RASA2: variants seen among roughly 807,000 people sequenced by gnomAD.
RASA2 encodes ras GTPase-activating protein 2.
A neutral mutation model predicts 118.2 loss-of-function variants in RASA2; 155 were observed. That is an observed-to-expected ratio of 1.31 (90% CI 1.15 to 1.50). RASA2 has a LOEUF of 1.50. Ranked by LOEUF, RASA2 falls within the 40% of genes most tolerant of loss-of-function variation. The pLI is 0.00. For synonymous variants in RASA2, 353 were observed against 349.1 expected, an observed-to-expected ratio of 1.01 and a Z score of -0.12; for missense variants, 1,016 against 1,009.6, an observed-to-expected ratio of 1.01 and a Z score of -0.09.
intron 3 of RASA2, among the ~76,000 whole-genome samples, chr3:141,524,969 TG>T (rs2082165359): frequency 6.6e-6 from 1 of 152,184 alleles, no homozygotes; most frequent in African/African-American, 2.4e-5. Context: ...TTTTCCTAAT[TG>T]GTGAATTGTA....
Position 141,613,699 on chromosome 3 carries a change from A to T in RASA2, c.*1386A>T, listed in dbSNP as rs1361519032. On this transcript the variant is annotated 3_prime_UTR_variant, in exon 24 of 24. Transcript: ENST00000286364. ...GTCTGAGCATAAGCTATATTTCAAG[A>T]TATACTTTGCCAATTTTGTTATTGG... 1.3e-5 allele frequency: 2 copies of T among 152,196 alleles called. No individual in the cohort carries two copies. The highest frequency in any genetic ancestry group is 6.5e-5 in the Admixed American group (1 of 15,274). The allele number at this position is 152,196 out of a possible 1,614,324, so 9.4% of individuals were successfully genotyped here.
At chr3:141,515,601 A>C (rs1032280346) in intron 2 of RASA2, among the ~76,000 whole-genome samples, 1 of 152,088 alleles carries the variant, frequency 6.6e-6, no homozygotes, top group Admixed American at 6.6e-5. Flanking sequence ...CATTAACTTT[A>C]TTGAAAGTGA....
intron 1 of RASA2, among the ~76,000 whole-genome samples, chr3:141,496,034 T>C (rs1343658707): frequency 6.6e-6 from 1 of 152,214 alleles, no homozygotes; most frequent in African/African-American, 2.4e-5. Context: ...AAAAGAGGTC[T>C]GAACAGTTGT....
At chr3:141,556,049 GAAC>G (rs2082645138) in intron 7 of RASA2, 137 bp downstream of exon 7, 7 of 683,988 alleles carry the variant, frequency 1.0e-5, no homozygotes, top group Non-Finnish European at 1.7e-5. Context: ...GAAAGCAGTA[GAAC>G]CATGGTGTGA....
chr3:141,594,365 T>A (rs1048225511), intron 19 of RASA2, among the ~76,000 whole-genome samples: 11 of 115,522 alleles, frequency 9.5e-5, no homozygotes, highest in African/African-American at 2.8e-4. Flanking sequence ...AAAAAAAAAA[T>A]TTTTTTTTGA....
At chr3:141,528,887 T>G (rs1161234403) in intron 3 of RASA2, among the ~76,000 whole-genome samples, 5 of 151,954 alleles carry the variant, frequency 3.3e-5, no homozygotes, top group Non-Finnish European at 7.4e-5. Context: ...GTGAACTGCT[T>G]TTAACTTTAT....
Position 141,586,066 on chromosome 3 carries a change from TG to T in RASA2, c.1796del (p.Gly599ValfsTer8). ...ISSTETKESS[G>X]TSEPVHLKEG... ...CATCTACTGAAACTAAAGAGTCCAG[TG>T]GTACGAGTGAGCCTGTGCACCTGAA... On this transcript the variant is annotated frameshift_variant, in exon 18 of 24. Transcript: ENST00000286364. LOFTEE classifies it high-confidence loss of function. The T allele has an allele frequency of 6.2e-7, 1 of 1,611,234 alleles. No homozygotes were observed. The highest frequency in any genetic ancestry group is 8.5e-7 in the Non-Finnish European group (1 of 1,177,628).
At chr3:141,488,915 CAT>C (rs1385757863) in intron 1 of RASA2, among the ~76,000 whole-genome samples, 3 of 152,150 alleles carry the variant, frequency 2.0e-5, no homozygotes, top group South Asian at 2.1e-4. Flanking sequence ...TACATATACA[CAT>C]GTCTTGGAAT....
chr3:141,526,941 G>C (rs956149101), intron 3 of RASA2, among the ~76,000 whole-genome samples: 9 of 152,176 alleles, frequency 5.9e-5, no homozygotes, highest in Non-Finnish European at 1.2e-4. Flanking sequence ...ACTAAGAGAG[G>C]ATTCTCTTTT....
intron 19 of RASA2, among the ~76,000 whole-genome samples, chr3:141,587,477 C>A (rs2083222494): frequency 6.6e-6 from 1 of 151,920 alleles, no homozygotes; most frequent in Non-Finnish European, 1.5e-5. Flanking sequence ...TTTGGGAGGC[C>A]AAGGTGGGAG....
intron 3 of RASA2, among the ~76,000 whole-genome samples, chr3:141,518,808 T>A (rs2082069276): frequency 6.6e-6 from 1 of 152,168 alleles, no homozygotes; most frequent in African/African-American, 2.4e-5. Context: ...TAATTTGGTG[T>A]ATTTCTTCCA....
At chr3:141,584,393 C>T (rs1321127131) in intron 17 of RASA2, among the ~76,000 whole-genome samples, 1 of 151,018 alleles carries the variant, frequency 6.6e-6, no homozygotes, top group Non-Finnish European at 1.5e-5. Flanking sequence ...CTGCTGATTT[C>T]CCTTTCCCAT....
chr3:141,549,889 G>A (rs1323454357), intron 5 of RASA2, among the ~76,000 whole-genome samples: 2 of 152,044 alleles, frequency 1.3e-5, no homozygotes, highest in East Asian at 3.9e-4. Context: ...CCAATGTAAA[G>A]GGACTTCAAA....
intron 5 of RASA2, among the ~76,000 whole-genome samples, chr3:141,543,764 G>C (rs1040260014): frequency 6.6e-6 from 1 of 151,622 alleles, no homozygotes; most frequent in Non-Finnish European, 1.5e-5. Flanking sequence ...GAAGTTCATT[G>C]TCATTCAAAT....
chr3:141,586,822 T>C, intron 19 of RASA2, 70 bp downstream of exon 19: 1 of 1,188,336 alleles, frequency 8.4e-7, no homozygotes, highest in East Asian at 2.4e-5. Flanking sequence ...CCGCTTATTG[T>C]GACTCTAGTG....
chr3:141,525,529 G>A (rs1385677256), intron 3 of RASA2, among the ~76,000 whole-genome samples: 1 of 152,048 alleles, frequency 6.6e-6, no homozygotes, highest in East Asian at 1.9e-4. Flanking sequence ...TCAACAACTG[G>A]CCACAGTGGC....
At chr3:141,572,476 G>A in intron 11 of RASA2, 133 bp from the exon 12 acceptor site, 1 of 594,366 alleles carries the variant, frequency 1.7e-6, no homozygotes, top group Non-Finnish European at 3.0e-6. Context: ...TAAAATTGTA[G>A]GTCACTTATG....
intron 2 of RASA2, among the ~76,000 whole-genome samples, chr3:141,516,082 A>G (rs1157582862): frequency 6.8e-6 from 1 of 146,082 alleles, no homozygotes; most frequent in Non-Finnish European, 1.5e-5. Context: ...GGATAGCATT[A>G]GGAGATATAC....
chr3:141,557,883 T>G (rs1381214110), intron 7 of RASA2, among the ~76,000 whole-genome samples: 1 of 151,462 alleles, frequency 6.6e-6, no homozygotes, highest in Non-Finnish European at 1.5e-5. Context: ...AATAGAAGAG[T>G]AGGGAAGAAG....
Sources: gnomAD v4.1 joint callset for allele counts (sites outside exome capture counted in the v4.1 genomes callset) on GRCh38, gnomAD v4.1.1 for gene constraint, MANE v1.5 for transcripts, NCBI Gene and HGNC (gene_info 2026-07-23, HGNC 2026-07-21) for gene names.